The following PTPRN2 variants were observed in gnomAD, a reference collection of about 807,000 sequenced individuals.
PTPRN2 encodes receptor-type tyrosine-protein phosphatase N2.
A neutral mutation model predicts 118.8 loss-of-function variants in PTPRN2; 74 were observed. The observed-to-expected ratio is 0.62, with a 90% CI of 0.52 to 0.76. The LOEUF (loss-of-function observed/expected upper bound fraction) is 0.76. Ranked by LOEUF, PTPRN2 falls within the 30% of genes least tolerant of loss-of-function variation. PTPRN2 has a pLI of 0.00. For synonymous variants in PTPRN2, 641 were observed against 608.0 expected (o/e 1.05, Z -0.80); for missense variants, 1,481 against 1,394.4 (o/e 1.06, Z -0.99).
At chr7:157,723,849 T>C (rs1474871818) in intron 12 of PTPRN2, among the ~76,000 whole-genome samples, 1 of 152,110 alleles carries the variant, frequency 6.6e-6, no homozygotes, top group Non-Finnish European at 1.5e-5. Flanking sequence ...TTCCCGCTCA[T>C]ACACAGCAGG....
In PTPRN2 at chr7:157,618,062, G is replaced by A. The variant is rs559343388; in HGVS notation, c.2344+3300C>T. The A allele has an allele frequency of 6.6e-6, 1 of 152,220 alleles. No individual in the cohort carries two copies. Among genetic ancestry groups the A allele is most frequent in the African/African-American group, 2.4e-5 (1 of 41,446 alleles). 9.4% of individuals were successfully genotyped at this position (152,220 alleles called of 1,614,324 possible). A position where few individuals can be genotyped will look rare whatever the true frequency, so the allele number is the denominator to read the frequency against. ...TTCTGAGATAATACAACTAGACCTA[G>A]CATGGTGCCAGCCAAGCATTGCATA... is the stretch of plus-strand genomic sequence containing the variant. On this transcript the variant is annotated intron_variant, in intron 15 of 22. Coordinates refer to ENST00000389418, the MANE Select transcript of PTPRN2 (RefSeq NM_002847.5). This position sits in a 1 kb window ranked among gnomAD's most constrained non-coding sequence, Gnocchi z 4.2.
chr7:158,479,366 G>T (rs770077343), intron 2 of PTPRN2, among the ~76,000 whole-genome samples: 2 of 151,982 alleles, frequency 1.3e-5, no homozygotes, highest in Non-Finnish European at 2.9e-5. Context: ...TCTCTCCTCC[G>T]CTCTTCTTTC....
rs1453664498 is a variant in PTPRN2, at chr7:157,953,617, C to T, written c.1724-54880G>A. On this transcript the variant is annotated intron_variant, in intron 11 of 22. Coordinates refer to ENST00000389418, the MANE Select transcript of PTPRN2 (RefSeq NM_002847.5). This position sits in a 1 kb window ranked among gnomAD's most constrained non-coding sequence, Gnocchi z 4.6. ...TCTATGACATCCTGACACTGCCCTG[C>T]TTGGACACTCTCTGGACAGGAGACA... Among the ~76,000 whole-genome samples, 3 of 152,102 alleles carry T rather than the reference C, an allele frequency of 2.0e-5. No individual in the cohort carries two copies. Among genetic ancestry groups the T allele is most frequent in the African/African-American group, 4.8e-5 (2 of 41,412 alleles).
At chr7:158,364,981 TCACA>T (rs10567718) in intron 2 of PTPRN2, among the ~76,000 whole-genome samples, 6,443 of 151,976 alleles carry the variant, frequency 0.042, 446 homozygotes, top group African/African-American at 0.15. Flanking sequence ...ACACACACAT[TCACA>T]CACACACACG....
At chr7:158,328,598 G>A (rs911980530) in intron 2 of PTPRN2, among the ~76,000 whole-genome samples, 5 of 152,150 alleles carry the variant, frequency 3.3e-5, no homozygotes, top group Non-Finnish European at 5.9e-5. Flanking sequence ...ACTGTCCGGA[G>A]AGGCCAGCTT....
At chr7:158,516,831 G>A (rs995797265) in intron 1 of PTPRN2, among the ~76,000 whole-genome samples, 11 of 151,150 alleles carry the variant, frequency 7.3e-5, no homozygotes, top group African/African-American at 2.7e-4. Context: ...TATTGTTCTT[G>A]GTGCCGTTCT....
chr7:157,730,880 C>G (rs1408203350), intron 12 of PTPRN2, among the ~76,000 whole-genome samples: 2 of 152,280 alleles, frequency 1.3e-5, no homozygotes, highest in East Asian at 3.9e-4. Context: ...GGCAGCTCTT[C>G]CGCTTGTTCT....
chr7:158,471,266 CT>C (rs1024358075), intron 2 of PTPRN2, among the ~76,000 whole-genome samples: 2 of 152,176 alleles, frequency 1.3e-5, no homozygotes, highest in Non-Finnish European at 1.5e-5. Context: ...GCCAGCTCCC[CT>C]CCCGCCTCCC....
intron 9 of PTPRN2, among the ~76,000 whole-genome samples, chr7:158,124,252 C>G (rs1008116626): frequency 6.6e-6 from 1 of 152,232 alleles, no homozygotes; most frequent in Non-Finnish European, 1.5e-5. Context: ...TCCCGCTATG[C>G]TGCCTTCTCT....
intron 14 of PTPRN2, among the ~76,000 whole-genome samples, chr7:157,635,215 G>A (rs1014566990): frequency 2.6e-5 from 4 of 152,210 alleles, no homozygotes; most frequent in South Asian, 2.1e-4. Context: ...TGTCTCTAAC[G>A]TCTGACATAG....
intron 12 of PTPRN2, among the ~76,000 whole-genome samples, chr7:157,760,640 C>T (rs760857075): frequency 6.6e-6 from 1 of 152,152 alleles, no homozygotes; most frequent in Non-Finnish European, 1.5e-5. Context: ...CACCCCATCA[C>T]CATTGCTATT....
intron 3 of PTPRN2, among the ~76,000 whole-genome samples, chr7:158,220,863 A>T (rs1216473953): frequency 6.6e-6 from 1 of 151,434 alleles, no homozygotes; most frequent in Admixed American, 6.6e-5. Context: ...AAAAAGAATT[A>T]TAAAATTCAT....
chr7:158,587,661 C>T lies in PTPRN2; in HGVS notation c.9G>A (p.Pro3=), dbSNP rs761251092. The change falls in exon 1 of 23, where the codon CCG becomes CCA. Residue 3 remains proline (P), a synonymous_variant. Transcript: ENST00000389418. ...GTAGCAGCAGCAGCAGCGGGAGCGGCGGCCCCATCCCCGCGGCCTGGCCGG... is the reference window on the plus strand; with the variant it reads ...GTAGCAGCAGCAGCAGCGGGAGCGGTGGCCCCATCCCCGCGGCCTGGCCGG... MG[P]PLPLLLLLLL... 1 of 1,345,634 alleles carries T rather than the reference C, an allele frequency of 7.4e-7. No homozygotes were observed. Among genetic ancestry groups the T allele is most frequent in the South Asian group, 1.8e-5 (1 of 56,088 alleles). The allele number at this position is 1,345,634 out of a possible 1,614,324, so 83.4% of individuals were successfully genotyped here. A position where few individuals can be genotyped will look rare whatever the true frequency, so the allele number is the denominator to read the frequency against.
chr7:158,103,749 T>G (rs1815436590), intron 10 of PTPRN2, among the ~76,000 whole-genome samples: 1 of 152,194 alleles, frequency 6.6e-6, no homozygotes, highest in South Asian at 2.1e-4. Context: ...ACCAATGGTG[T>G]CGGGGGCCAC....
chr7:158,265,629 C>T (rs568812083), intron 3 of PTPRN2, among the ~76,000 whole-genome samples: 1 of 152,362 alleles, frequency 6.6e-6, no homozygotes, highest in African/African-American at 2.4e-5. Flanking sequence ...CAGTCTATCA[C>T]CAGCCCTCAG....
At position 158,133,946 on chromosome 7, in the gene PTPRN2, C is replaced by T. The variant is rs765803959; in HGVS notation, c.1287G>A (p.Glu429=). 3.1e-5 allele frequency: 50 copies of T among 1,613,946 alleles called. No individual in the cohort carries two copies. The South Asian group carries it at 5.3e-4, about 17-fold the overall frequency. ...CTGAAGACAGGGAAGACTCAGGGTG[C>T]TCGGACTTCTTCCTCTCCATGTCGA... ...RPLDMERKKS[E]HPESSLSSEE... is the part of the protein sequence containing the mutation. The change falls in exon 9 of 23, where the codon GAG becomes GAA. Residue 429 remains glutamate (E), a synonymous_variant. Transcript: ENST00000389418.
intron 6 of PTPRN2, among the ~76,000 whole-genome samples, chr7:158,145,660 C>T (rs1165299278): frequency 6.6e-6 from 1 of 152,244 alleles, no homozygotes; most frequent in Non-Finnish European, 1.5e-5. Context: ...AACAGGGGCT[C>T]CCCTGCCGTG....
intron 2 of PTPRN2, among the ~76,000 whole-genome samples, chr7:158,371,171 G>A (rs1031463191): frequency 2.0e-5 from 3 of 152,168 alleles, no homozygotes; most frequent in East Asian, 3.9e-4. Context: ...AGGATAACAC[G>A]GCCAAGTGAC....
At chr7:157,561,035 C>T (rs1489782460) in intron 21 of PTPRN2, among the ~76,000 whole-genome samples, 1 of 152,216 alleles carries the variant, frequency 6.6e-6, no homozygotes, top group Non-Finnish European at 1.5e-5. Flanking sequence ...CTGAGCTGGC[C>T]TGTTCTTCAG....
Sources: allele counts gnomAD v4.1 joint callset (sites outside exome capture counted in the v4.1 genomes callset), GRCh38; gene constraint gnomAD v4.1.1; non-coding constraint Gnocchi (gnomAD v3.1); transcripts MANE v1.5; gene names NCBI Gene and HGNC (gene_info 2026-07-23, HGNC 2026-07-21).